The following IL1RAPL1 variants were observed in gnomAD, a reference collection of about 807,000 sequenced individuals.
The protein encoded by IL1RAPL1 is interleukin 1 receptor accessory protein like 1, also known as interleukin-1 receptor accessory protein-like 1.
IL1RAPL1 carries 3 observed loss-of-function variants against 48.4 expected under a neutral mutation model. That is an observed-to-expected ratio of 0.06 (90% CI 0.03 to 0.16). IL1RAPL1 has a LOEUF of 0.16. Among genes scored for constraint, IL1RAPL1 ranks in the 10% least tolerant of loss-of-function variants. The pLI is 1.00. For synonymous variants in IL1RAPL1, 185 were observed against 187.7 expected, an observed-to-expected ratio of 0.99 and a Z score of 0.12; for missense variants, 349 against 530.6, an observed-to-expected ratio of 0.66 and a Z score of 3.36.
intron 1 of IL1RAPL1, among the ~76,000 whole-genome samples, chrX:28,612,622 G>A (rs1284807827): frequency 8.9e-6 from 1 of 111,811 alleles, no homozygotes; most frequent in East Asian, 2.8e-4. Context: ...AATTGGCTAG[G>A]CAAGGACACT....
chrX:28,683,474 C>T (rs1935082366), intron 1 of IL1RAPL1, among the ~76,000 whole-genome samples: 2 of 111,119 alleles, frequency 1.8e-5, no homozygotes, highest in African/African-American at 3.3e-5. Flanking sequence ...CACTTTAGTT[C>T]AACTTCTTTA....
intron 6 of IL1RAPL1, among the ~76,000 whole-genome samples, chrX:29,826,545 C>T (rs1930743705): frequency 9.0e-6 from 1 of 111,331 alleles, no homozygotes; most frequent in African/African-American, 3.3e-5. Context: ...CCTATTCTCC[C>T]CTCCCCACCT....
intron 2 of IL1RAPL1, among the ~76,000 whole-genome samples, chrX:28,919,471 A>G (rs1302226619): frequency 8.9e-6 from 1 of 112,558 alleles, no homozygotes; most frequent in African/African-American, 3.2e-5. Flanking sequence ...GTATTCAGAA[A>G]CAAAAATAGA....
At chrX:28,652,369 A>G (rs890827572) in intron 1 of IL1RAPL1, among the ~76,000 whole-genome samples, 5 of 111,950 alleles carry the variant, frequency 4.5e-5, no homozygotes, top group Non-Finnish European at 9.4e-5. Context: ...CATCTTTATT[A>G]CAAAAGATGA....
chrX:29,879,357 ATG>A (rs370851302), intron 6 of IL1RAPL1, among the ~76,000 whole-genome samples: 6,028 of 83,868 alleles, frequency 0.072, 204 homozygotes, highest in Non-Finnish European at 0.081. Flanking sequence ...AGTTTTATAT[ATG>A]TGTGTGTGTG....
At chrX:29,235,239 C>T (rs5943627) in intron 2 of IL1RAPL1, among the ~76,000 whole-genome samples, 41,225 of 110,913 alleles carry the variant, frequency 0.37, 7,271 homozygotes, top group Non-Finnish European at 0.55. Context: ...ATATAATGGA[C>T]GTCTTTCATA....
intron 1 of IL1RAPL1, among the ~76,000 whole-genome samples, chrX:28,623,197 C>T (rs1221612184): frequency 9.0e-6 from 1 of 110,520 alleles, no homozygotes; most frequent in Non-Finnish European, 1.9e-5. Flanking sequence ...TGGGTCATGC[C>T]ATAAAAATAT....
chrX:29,826,751 A>G (rs1419848), intron 6 of IL1RAPL1, among the ~76,000 whole-genome samples: 5,702 of 111,990 alleles, frequency 0.051, 123 homozygotes, highest in Middle Eastern at 0.092. Context: ...GTTCCATTGT[A>G]TGGATATACT....
chrX:29,724,214 G>A (rs944993818), intron 6 of IL1RAPL1, among the ~76,000 whole-genome samples: 1 of 111,168 alleles, frequency 9.0e-6, no homozygotes, highest in African/African-American at 3.3e-5. Context: ...ATAGCTCTTC[G>A]GTCTGCTCCC....
intron 6 of IL1RAPL1, among the ~76,000 whole-genome samples, chrX:29,816,782 A>C (rs906680877): frequency 2.7e-5 from 3 of 109,499 alleles, no homozygotes; most frequent in African/African-American, 1.0e-4. Flanking sequence ...CTCCCCCCCC[A>C]CTGAAATTTG....
At chrX:28,717,084 T>G (rs900525117) in intron 1 of IL1RAPL1, among the ~76,000 whole-genome samples, 2 of 111,204 alleles carry the variant, frequency 1.8e-5, no homozygotes, top group Non-Finnish European at 3.8e-5. Context: ...CGTGGAAGAG[T>G]GTGACAATTC....
chrX:28,901,646 A>C (rs1923077747), intron 2 of IL1RAPL1, among the ~76,000 whole-genome samples: 1 of 112,164 alleles, frequency 8.9e-6, no homozygotes, highest in African/African-American at 3.2e-5. Flanking sequence ...AAGAGATGGC[A>C]GAAACTAACT....
At chrX:29,338,794 A>G (rs1933032615) in intron 3 of IL1RAPL1, among the ~76,000 whole-genome samples, 1 of 110,672 alleles carries the variant, frequency 9.0e-6, no homozygotes, top group South Asian at 3.9e-4. Flanking sequence ...GTGAGGCCCT[A>G]TCTTTCTGGT....
At chrX:29,703,483 C>A (rs1927108687) in intron 6 of IL1RAPL1, among the ~76,000 whole-genome samples, 1 of 110,518 alleles carries the variant, frequency 9.0e-6, no homozygotes, top group African/African-American at 3.3e-5. Context: ...GCTGGGACTA[C>A]AGGCGCCCGC....
chrX:28,721,011 T>C (rs1373744382), intron 1 of IL1RAPL1, among the ~76,000 whole-genome samples: 1 of 112,375 alleles, frequency 8.9e-6, no homozygotes, highest in Admixed American at 9.4e-5. Context: ...ACATTTGGGT[T>C]GGTTCCAAGT....
intron 2 of IL1RAPL1, among the ~76,000 whole-genome samples, chrX:29,105,422 GA>G (rs1928428720): frequency 1.8e-5 from 2 of 111,642 alleles, no homozygotes; most frequent in South Asian, 7.4e-4. Context: ...ATGGTGCTAG[GA>G]AAAAAATTGT....
At position 29,566,235 on chromosome X, in the gene IL1RAPL1, G is replaced by A. The variant is rs375558287; in HGVS notation, c.704-102195G>A. Among the ~76,000 whole-genome samples, 119 of 111,507 alleles carry A rather than the reference G, an allele frequency of 1.1e-3. 1 individual carries two copies. Among genetic ancestry groups the A allele is most frequent in the African/African-American group, 3.3e-3 (101 of 30,678 alleles). On this transcript the variant is annotated intron_variant, in intron 5 of 10. Coordinates refer to ENST00000378993, the MANE Select transcript of IL1RAPL1 (RefSeq NM_014271.4). ...ATTACAGGTGCGAGCCACCGCGCCC[G>A]GCCCATGTGGGGAAATTTAAAAAAG...
At chrX:29,705,065 T>A (rs1378130124) in intron 6 of IL1RAPL1, among the ~76,000 whole-genome samples, 2 of 111,914 alleles carry the variant, frequency 1.8e-5, no homozygotes, top group African/African-American at 6.5e-5. Context: ...ATTAAATTCA[T>A]CGTTCAATAT....
chrX:29,128,513 C>T (rs1271597866), intron 2 of IL1RAPL1, among the ~76,000 whole-genome samples: 1 of 111,734 alleles, frequency 8.9e-6, no homozygotes, highest in Admixed American at 9.5e-5. Flanking sequence ...AACCCATGGT[C>T]CTTCAAGACT....
Sources: allele counts gnomAD v4.1 joint callset (sites outside exome capture counted in the v4.1 genomes callset), GRCh38; gene constraint gnomAD v4.1.1; transcripts MANE v1.5; gene names NCBI Gene and HGNC (gene_info 2026-07-23, HGNC 2026-07-21).